Variants in NF1 observed in about 807,000 individuals in gnomAD.
The protein encoded by NF1 is neurofibromin.
NF1 carries 122 observed loss-of-function variants against 325.7 expected under a neutral mutation model. The observed-to-expected ratio is 0.37, with a 90% CI of 0.32 to 0.44. The LOEUF (loss-of-function observed/expected upper bound fraction) is 0.44. Among genes scored for constraint, NF1 ranks in the 20% least tolerant of loss-of-function variants. The probability of loss-of-function intolerance (pLI) is 1.00; values close to 1 mark genes in which losing one functional copy is unlikely to be tolerated. For missense variants in NF1, 2,140 were observed against 3,415.4 expected (o/e 0.63, Z 9.31); for synonymous variants, 1,091 against 1,186.0 (o/e 0.92, Z 1.65).
intron 46 of NF1, 154 bp from the exon 47 acceptor site, chr17:31,340,351 A>G (rs1197550697): frequency 1.1e-6 from 1 of 905,506 alleles, no homozygotes; most frequent in Non-Finnish European, 1.7e-6. Flanking sequence ...TACATATGGA[A>G]AAGTGAAGAG....
rs563289486 is a variant in NF1, at chr17:31,139,193, A to G, written c.61-16790A>G. Among the ~76,000 whole-genome samples the G allele has an allele frequency of 3.3e-5, 5 of 152,218 alleles. No homozygotes were observed. In the East Asian group the frequency reaches 7.7e-4, roughly 24 times the overall value. ...CTCTCAAGTAGCTGGGATTACAGGCATGTGCCACCATGCGTGGCTAAATTT... is the reference window on the plus strand; with the variant it reads ...CTCTCAAGTAGCTGGGATTACAGGCGTGTGCCACCATGCGTGGCTAAATTT... On this transcript the variant is annotated intron_variant, in intron 1 of 57. Coordinates refer to ENST00000358273, the MANE Select transcript of NF1 (RefSeq NM_001042492.3).
chr17:31,144,386 T>C (rs1202910582), intron 1 of NF1, among the ~76,000 whole-genome samples: 1 of 152,222 alleles, frequency 6.6e-6, no homozygotes, highest in African/African-American at 2.4e-5. Context: ...ATTCGTTCAG[T>C]GCCTTTTTCC....
chr17:31,145,129 A>C (rs751276865), intron 1 of NF1, among the ~76,000 whole-genome samples: 1 of 152,092 alleles, frequency 6.6e-6, no homozygotes, highest in Non-Finnish European at 1.5e-5. Context: ...CATCAGATCC[A>C]TTTTACTTGC....
intron 36 of NF1, among the ~76,000 whole-genome samples, chr17:31,311,011 A>G (rs2068860373): frequency 6.7e-6 from 1 of 150,128 alleles, no homozygotes; most frequent in Non-Finnish European, 1.5e-5. Flanking sequence ...CAGTGGTGCA[A>G]TCTCAGCTCA....
At chr17:31,322,569 C>CAGCTA (rs938205529) in intron 36 of NF1, among the ~76,000 whole-genome samples, 5 of 141,192 alleles carry the variant, frequency 3.5e-5, no homozygotes, top group Non-Finnish European at 7.5e-5. Flanking sequence ...TCTGTAATCC[C>CAGCTA]AGCTACTAGG....
intron 1 of NF1, among the ~76,000 whole-genome samples, chr17:31,113,977 CTG>C (rs1447551365): frequency 1.3e-5 from 2 of 152,168 alleles, no homozygotes; most frequent in Non-Finnish European, 2.9e-5. Flanking sequence ...TATTTCTAGG[CTG>C]TGTTAATTAT....
chr17:31,158,127 T>G (rs1047710114), intron 2 of NF1, among the ~76,000 whole-genome samples: 1 of 152,184 alleles, frequency 6.6e-6, no homozygotes, highest in Non-Finnish European at 1.5e-5. Context: ...GTGTCCTCTC[T>G]TCTACTTTTT....
At chr17:31,286,021 C>T (rs2068220308) in intron 36 of NF1, among the ~76,000 whole-genome samples, 1 of 152,142 alleles carries the variant, frequency 6.6e-6, no homozygotes, top group Admixed American at 6.6e-5. Context: ...ATAGTCAACT[C>T]ATAGTTAATA....
chr17:31,318,245 C>A, intron 36 of NF1: 1 of 1,533,896 alleles, frequency 6.5e-7, no homozygotes, highest in Admixed American at 2.2e-5. Flanking sequence ...GATTAAATAC[C>A]AACTGACTTC....
At chr17:31,134,181 G>A (rs1915595666) in intron 1 of NF1, among the ~76,000 whole-genome samples, 2 of 152,002 alleles carry the variant, frequency 1.3e-5, no homozygotes, top group African/African-American at 4.8e-5. Flanking sequence ...TACCTAGCAC[G>A]TTTTCTGACT....
chr17:31,178,167 C>G (rs766224172), intron 5 of NF1, among the ~76,000 whole-genome samples: 3 of 152,206 alleles, frequency 2.0e-5, no homozygotes, highest in African/African-American at 7.2e-5. Context: ...GACAGCAGAT[C>G]TCTAGGCAGA....
chr17:31,307,994 T>C, intron 36 of NF1: 2 of 1,108,690 alleles, frequency 1.8e-6, no homozygotes, highest in Non-Finnish European at 1.2e-6. Context: ...GTGATTTTTT[T>C]CCCTATACGA....
chr17:31,250,249 T>C, intron 30 of NF1: 1 of 306,326 alleles, frequency 3.3e-6, no homozygotes, highest in Non-Finnish European at 6.3e-6. Flanking sequence ...ACTAGTTAAG[T>C]CTGAGTCTAA....
At chr17:31,125,040 T>C (rs1914763147) in intron 1 of NF1, among the ~76,000 whole-genome samples, 1 of 152,034 alleles carries the variant, frequency 6.6e-6, no homozygotes, top group African/African-American at 2.4e-5. Context: ...TTCCCAATGC[T>C]GTGGAAACAC....
intron 36 of NF1, among the ~76,000 whole-genome samples, chr17:31,307,561 A>G (rs2068757398): frequency 6.6e-6 from 1 of 152,230 alleles, no homozygotes; most frequent in Admixed American, 6.5e-5. Context: ...TTGGAGAGTT[A>G]AGTTTCAGTT....
At chr17:31,130,447 G>A (rs892017440) in intron 1 of NF1, among the ~76,000 whole-genome samples, 1 of 152,220 alleles carries the variant, frequency 6.6e-6, no homozygotes, top group South Asian at 2.1e-4. Flanking sequence ...AGCAACAGTG[G>A]CAGTAAGGCC....
chr17:31,365,790 T>A (rs999473140), intron 57 of NF1, among the ~76,000 whole-genome samples: 3 of 152,194 alleles, frequency 2.0e-5, no homozygotes, highest in Non-Finnish European at 4.4e-5. Flanking sequence ...TGTCATGTTG[T>A]ACCTTGTACT....
At chr17:31,371,033 A>C (rs1213668383) in intron 57 of NF1, among the ~76,000 whole-genome samples, 1 of 152,164 alleles carries the variant, frequency 6.6e-6, no homozygotes, top group Non-Finnish European at 1.5e-5. Context: ...AAAAAGTTCT[A>C]TCTTTTCAAC....
In NF1 at chr17:31,290,831, C is replaced by T. The variant is rs1220787702; in HGVS notation, c.4835+25492C>T. Among the ~76,000 whole-genome samples, 4 of 152,044 alleles carry T rather than the reference C, an allele frequency of 2.6e-5. No homozygotes were observed. The East Asian group carries it at 7.7e-4, about 29-fold the overall frequency. ...GACCAGCCTGGCCAACATGGTGAAA[C>T]CTGATCTCTACTAAAAATACAAAAA... On this transcript the variant is annotated intron_variant, in intron 36 of 57. Transcript: ENST00000358273.
Sources: gnomAD v4.1 joint callset for allele counts (sites outside exome capture counted in the v4.1 genomes callset) on GRCh38, gnomAD v4.1.1 for gene constraint, MANE v1.5 for transcripts, NCBI Gene and HGNC (gene_info 2026-07-23, HGNC 2026-07-21) for gene names.